TGFBR3: variants seen among roughly 807,000 people sequenced by gnomAD.
TGFBR3 encodes transforming growth factor beta receptor type 3.
A neutral mutation model predicts 87.9 loss-of-function variants in TGFBR3; 46 were observed. The observed-to-expected ratio is 0.52, with a 90% confidence interval of 0.41 to 0.67. The LOEUF is 0.67. TGFBR3 is among the 30% of genes least tolerant of loss of function. The probability of loss-of-function intolerance (pLI) is 0.00; values close to 1 mark genes in which losing one functional copy is unlikely to be tolerated. For missense variants in TGFBR3, 866 were observed against 1,041.9 expected (o/e 0.83, Z 2.32); for synonymous variants, 381 against 391.6 (o/e 0.97, Z 0.32).
intron 1 of TGFBR3, chr1:91,905,768 G>A (rs1163164020): frequency 6.6e-6 from 1 of 152,148 alleles, no homozygotes; most frequent in Non-Finnish European, 1.5e-5. Flanking sequence ...AAGCACTTTT[G>A]GTTGCAAATG....
Position 91,683,711 on chromosome 1 carries a change from G to A in TGFBR3, c.*28C>T. On this transcript the variant is annotated 3_prime_UTR_variant, in exon 17 of 17. Coordinates refer to ENST00000212355, the MANE Select transcript of TGFBR3 (RefSeq NM_003243.5). ...TAGCTGAGCTGAGCTGGGCTGGGCT[G>A]GGTTGGGCCGGGTTGGGCTGGGTTG... The A allele has an allele frequency of 6.6e-7, 1 of 1,523,194 alleles. No individual in the cohort carries two copies. The highest frequency in any genetic ancestry group is 8.8e-7 in the Non-Finnish European group (1 of 1,134,914). 94.4% of individuals were successfully genotyped at this position (1,523,194 alleles called of 1,614,324 possible). A position where few individuals can be genotyped will look rare whatever the true frequency, so the allele number is the denominator to read the frequency against.
At chr1:91,805,556 C>T (rs529712740) in intron 2 of TGFBR3, among the ~76,000 whole-genome samples, 3 of 152,316 alleles carry the variant, frequency 2.0e-5, no homozygotes, top group South Asian at 2.1e-4. Flanking sequence ...AGAAACTCCC[C>T]AGGTGGCCCA....
intron 3 of TGFBR3, among the ~76,000 whole-genome samples, chr1:91,783,821 A>G (rs565175391): frequency 6.6e-6 from 1 of 152,336 alleles, no homozygotes; most frequent in South Asian, 2.1e-4. Flanking sequence ...ATCAAGTTAT[A>G]AGGTATTTAA....
intron 3 of TGFBR3, among the ~76,000 whole-genome samples, chr1:91,781,169 G>T (rs568097462): frequency 1.3e-5 from 2 of 152,278 alleles, no homozygotes; most frequent in South Asian, 4.2e-4. Context: ...CTCCTTGCCT[G>T]AGTTTGTTGC....
intron 10 of TGFBR3, among the ~76,000 whole-genome samples, chr1:91,717,253 G>A (rs1672206933): frequency 6.6e-6 from 1 of 152,148 alleles, no homozygotes; most frequent in African/African-American, 2.4e-5. Context: ...AAGTTTGGTT[G>A]GAGTCAGCAG....
chr1:91,856,548 C>T (rs983920199), intron 2 of TGFBR3, among the ~76,000 whole-genome samples: 3 of 152,170 alleles, frequency 2.0e-5, no homozygotes, highest in African/African-American at 4.8e-5. Context: ...CTAACTTGGG[C>T]TCAATTTACG....
intron 4 of TGFBR3, among the ~76,000 whole-genome samples, chr1:91,736,878 C>T (rs10874915): frequency 6.6e-6 from 1 of 152,246 alleles, no homozygotes; most frequent in Admixed American, 6.5e-5. Context: ...CCATAAACTA[C>T]AGCAACCCTA....
intron 2 of TGFBR3, among the ~76,000 whole-genome samples, chr1:91,808,806 T>C (rs1675929128): frequency 6.6e-6 from 1 of 152,186 alleles, no homozygotes; most frequent in Admixed American, 6.5e-5. Flanking sequence ...CTGTCCCTAT[T>C]CTTCTCACAA....
chr1:91,695,804 C>T (rs766231977), intron 15 of TGFBR3, 25 bp from the exon 16 acceptor site: 2 of 1,601,310 alleles, frequency 1.2e-6, no homozygotes, highest in South Asian at 1.1e-5. Context: ...AACCGATACA[C>T]ACAACTTTTT....
chr1:91,764,728 T>C (rs1412442838), intron 3 of TGFBR3, among the ~76,000 whole-genome samples: 1 of 152,180 alleles, frequency 6.6e-6, no homozygotes, highest in Admixed American at 6.5e-5. Context: ...TTAAGATAGG[T>C]TGTGTGAATG....
intron 16 of TGFBR3, among the ~76,000 whole-genome samples, chr1:91,684,791 A>T (rs1017858337): frequency 5.3e-5 from 8 of 152,196 alleles, no homozygotes; most frequent in African/African-American, 1.9e-4. Context: ...CTCTCCAATA[A>T]AAAACACTGC....
At chr1:91,774,697 T>C (rs1263296744) in intron 3 of TGFBR3, among the ~76,000 whole-genome samples, 2 of 152,160 alleles carry the variant, frequency 1.3e-5, no homozygotes, top group African/African-American at 4.8e-5. Flanking sequence ...ACTCATGCGG[T>C]GATTGGGAAT....
At position 91,758,740 on chromosome 1, in the gene TGFBR3, T is replaced by A; in HGVS notation, c.257A>T (p.His86Leu). 1 of 1,613,786 alleles carries A rather than the reference T, an allele frequency of 6.2e-7. No homozygotes were observed. Among genetic ancestry groups the A allele is most frequent in the Non-Finnish European group, 8.5e-7 (1 of 1,179,844 alleles). ...GTGGACTGAGGAGATGGGATTCAGGTGAAGTGTGACCTAGGAAGCAACAGA... is the reference window on the plus strand; with the variant it reads ...GTGGACTGAGGAGATGGGATTCAGGAGAAGTGTGACCTAGGAAGCAACAGA... The part of the protein sequence containing the change: ...PGQLQREVTL[H>L]LNPISSVHIH... Residue 86 changes from histidine (H) to leucine (L), a missense_variant, in exon 4 of 17, where the codon CAC becomes CTC. Transcript: ENST00000212355.
At chr1:91,814,184 G>A (rs1419340439) in intron 2 of TGFBR3, among the ~76,000 whole-genome samples, 1 of 151,982 alleles carries the variant, frequency 6.6e-6, no homozygotes, top group Non-Finnish European at 1.5e-5. Context: ...TTCACTCTTT[G>A]CAAATCATTA....
intron 14 of TGFBR3, among the ~76,000 whole-genome samples, chr1:91,707,699 G>A (rs769881861): frequency 1.3e-5 from 2 of 152,092 alleles, no homozygotes; most frequent in African/African-American, 4.8e-5. Context: ...ATCTAACCCC[G>A]CTTGGAATCC....
chr1:91,887,236 CTTTTTTTTT>C (rs71087977), upstream of TGFBR3, among the ~76,000 whole-genome samples: 39 of 41,414 alleles, frequency 9.4e-4, no homozygotes, highest in East Asian at 4.2e-3. Context: ...GGACCTATGC[CTTTTTTTTT>C]TTTTTTTTTT....
intron 5 of TGFBR3, among the ~76,000 whole-genome samples, chr1:91,731,054 G>A (rs1474069126): frequency 6.6e-6 from 1 of 152,264 alleles, no homozygotes; most frequent in Non-Finnish European, 1.5e-5. Context: ...TGCTGGCAGT[G>A]TGACAGCTGG....
upstream of TGFBR3, among the ~76,000 whole-genome samples, chr1:91,886,445 G>A (rs1177072396): frequency 1.3e-5 from 2 of 152,228 alleles, no homozygotes; most frequent in African/African-American, 2.4e-5. Flanking sequence ...CGGGCTCAGC[G>A]TGCCCGGGTT....
chr1:91,708,816 G>C, intron 13 of TGFBR3, 33 bp from the exon 14 acceptor site: 12 of 1,611,848 alleles, frequency 7.4e-6, no homozygotes, highest in Non-Finnish European at 1.0e-5. Flanking sequence ...ACAGAATCAG[G>C]GGCCACTCAA....
Sources: allele counts gnomAD v4.1 joint callset (sites outside exome capture counted in the v4.1 genomes callset), GRCh38; gene constraint gnomAD v4.1.1; transcripts MANE v1.5; gene names NCBI Gene and HGNC (gene_info 2026-07-23, HGNC 2026-07-21).